Variants in STAP1 observed in about 807,000 individuals in gnomAD.
STAP1 encodes the protein signal-transducing adaptor protein 1.
In STAP1, 30 loss-of-function variants were observed where a neutral mutation model predicts 37.8. The ratio of observed to expected loss-of-function variants is 0.79; its 90% confidence interval spans 0.59 to 1.08. The LOEUF (loss-of-function observed/expected upper bound fraction) is 1.08. STAP1 is among the 50% of genes least tolerant of loss of function. STAP1 has a pLI of 0.00. For missense variants in STAP1, 357 were observed against 349.4 expected (o/e 1.02, Z -0.17); for synonymous variants, 130 against 116.0 (o/e 1.12, Z -0.78).
chr4:67,604,931 A>C (rs1386328835), intron 8 of STAP1, among the ~76,000 whole-genome samples: 1 of 152,138 alleles, frequency 6.6e-6, no homozygotes, highest in East Asian at 1.9e-4. Context: ...TTTATGCCTT[A>C]GTTTAGCTGT....
At chr4:67,564,810 G>A (rs963839426) in intron 1 of STAP1, among the ~76,000 whole-genome samples, 2 of 152,304 alleles carry the variant, frequency 1.3e-5, no homozygotes, top group South Asian at 2.1e-4. Flanking sequence ...CTACTTGGGA[G>A]GCTGAGGTGG....
intron 1 of STAP1, among the ~76,000 whole-genome samples, chr4:67,570,427 G>A (rs757404262): frequency 1.3e-4 from 20 of 152,182 alleles, no homozygotes; most frequent in Middle Eastern, 6.8e-3. Flanking sequence ...TCATATAGGC[G>A]GTTTGTCATC....
chr4:67,594,822 T>C (rs6830820), intron 8 of STAP1, among the ~76,000 whole-genome samples: 23,104 of 152,168 alleles, frequency 0.15, 3,013 homozygotes, highest in African/African-American at 0.35. Flanking sequence ...TTATATGTTA[T>C]TTGCCATTAT....
intron 2 of STAP1, among the ~76,000 whole-genome samples, chr4:67,573,556 T>C (rs1727651230): frequency 6.6e-6 from 1 of 152,196 alleles, no homozygotes. Flanking sequence ...AAAAAAGATT[T>C]CTGTTTAATT....
intron 8 of STAP1, among the ~76,000 whole-genome samples, chr4:67,605,551 G>A (rs1728433666): frequency 6.6e-6 from 1 of 152,118 alleles, no homozygotes; most frequent in South Asian, 2.1e-4. Context: ...AATGACATAA[G>A]AACAGATGGA....
At chr4:67,583,458 AGTTTTAAGAAAAGTTAGCAACT>A in intron 5 of STAP1, 94 bp from the exon 6 acceptor site, 6 of 1,067,366 alleles carry the variant, frequency 5.6e-6, no homozygotes, top group Non-Finnish European at 5.3e-6. Flanking sequence ...TCAAACCGGA[AGTTTTAAGAAAAGTTAGCAACT>A]GCAGCTCTCA....
chr4:67,601,579 A>G (rs2632458), intron 8 of STAP1, among the ~76,000 whole-genome samples: 130,410 of 151,762 alleles, frequency 0.86, 57,527 homozygotes, highest in East Asian at 0.99. Flanking sequence ...TTTGTTTAGG[A>G]AAGTATGTCT....
chr4:67,568,205 A>T lies in STAP1; in HGVS notation c.121-2879A>T, dbSNP rs1170880594. On this transcript the variant is annotated intron_variant, in intron 1 of 8. Transcript: ENST00000265404. ...ACAAACATTTTACTGGTTAAAAAAC[A>T]TAAAGGATATGTTAATATTGAAGAG... Among the ~76,000 whole-genome samples the T allele has an allele frequency of 2.6e-5, 4 of 152,352 alleles. No homozygotes were observed. The East Asian group carries it at 7.7e-4, about 29-fold the overall frequency.
At chr4:67,578,952 C>T (rs1375081684) in intron 4 of STAP1, among the ~76,000 whole-genome samples, 1 of 151,910 alleles carries the variant, frequency 6.6e-6, no homozygotes, top group Non-Finnish European at 1.5e-5. Context: ...CCTTAGCCTC[C>T]CAAGTAGCTG....
chr4:67,571,185 G>T (rs949248797), intron 2 of STAP1, 30 bp downstream of exon 2: 3 of 1,459,840 alleles, frequency 2.1e-6, no homozygotes, highest in Non-Finnish European at 9.6e-7. Context: ...TGATTCCATT[G>T]TTTCCCAATA....
At chr4:67,561,661 A>C (rs547950338) in intron 1 of STAP1, among the ~76,000 whole-genome samples, 2 of 152,368 alleles carry the variant, frequency 1.3e-5, no homozygotes, top group African/African-American at 4.8e-5. Flanking sequence ...TTCTGAATTA[A>C]CCAGGAAGAT....
intron 5 of STAP1, among the ~76,000 whole-genome samples, chr4:67,582,387 C>A (rs1055444039): frequency 2.0e-5 from 3 of 151,830 alleles, no homozygotes; most frequent in African/African-American, 7.3e-5. Flanking sequence ...CAGCTCACTG[C>A]AATCTCCACC....
chr4:67,571,989 T>C (rs1481105008), intron 2 of STAP1, among the ~76,000 whole-genome samples: 1 of 152,260 alleles, frequency 6.6e-6, no homozygotes, highest in Non-Finnish European at 1.5e-5. Context: ...GTAAAAGAGC[T>C]TTTATTCTAA....
intron 7 of STAP1, 121 bp from the exon 8 acceptor site, chr4:67,593,139 A>C (rs1728155928): frequency 1.5e-6 from 1 of 645,206 alleles, no homozygotes; most frequent in African/African-American, 1.9e-5. Flanking sequence ...AACTATGGTC[A>C]TACAGTAAGC....
rs139077748 is a variant in STAP1, at chr4:67,599,716, A to G, written c.826+6360A>G. Among the ~76,000 whole-genome samples, 408 of 151,664 alleles carry G rather than the reference A, an allele frequency of 2.7e-3. 2 individuals carry two copies. Among genetic ancestry groups the G allele is most frequent in the African/African-American group, 9.4e-3 (388 of 41,332 alleles). On this transcript the variant is annotated intron_variant, in intron 8 of 8. Coordinates refer to ENST00000265404, the MANE Select transcript of STAP1 (RefSeq NM_012108.4). ...GAGTGCAGTGGCACAATCTCAGCTCACTGCAACCTCCACCTCCCGGGTTCA... is the reference window on the plus strand; with the variant it reads ...GAGTGCAGTGGCACAATCTCAGCTCGCTGCAACCTCCACCTCCCGGGTTCA...
intron 4 of STAP1, among the ~76,000 whole-genome samples, chr4:67,579,919 G>T (rs899778213): frequency 2.6e-5 from 4 of 152,188 alleles, no homozygotes; most frequent in Admixed American, 2.6e-4. Flanking sequence ...AGGCTGGAGT[G>T]CAGTGGCTTG....
intron 4 of STAP1, among the ~76,000 whole-genome samples, chr4:67,579,391 C>T (rs1286170451): frequency 5.3e-5 from 8 of 152,124 alleles, no homozygotes; most frequent in African/African-American, 1.9e-4. Flanking sequence ...AGCTATTTGA[C>T]TCTGGACTAG....
chr4:67,596,751 T>C (rs1728234934), intron 8 of STAP1, among the ~76,000 whole-genome samples: 1 of 152,210 alleles, frequency 6.6e-6, no homozygotes, highest in African/African-American at 2.4e-5. Flanking sequence ...ATTTAGGGTA[T>C]CTGGCAGAAG....
intron 3 of STAP1, among the ~76,000 whole-genome samples, chr4:67,576,938 G>A (rs1224527270): frequency 6.6e-6 from 1 of 152,162 alleles, no homozygotes; most frequent in African/African-American, 2.4e-5. Context: ...TTGACATACT[G>A]CAAAAGTAAG....
Sources: allele counts gnomAD v4.1 joint callset (sites outside exome capture counted in the v4.1 genomes callset), GRCh38; gene constraint gnomAD v4.1.1; transcripts MANE v1.5; gene names NCBI Gene and HGNC (gene_info 2026-07-23, HGNC 2026-07-21).